The following WFDC1 variants were observed in gnomAD, a reference collection of about 807,000 sequenced individuals.
WFDC1 encodes WAP four-disulfide core domain 1.
WFDC1 carries 39 observed loss-of-function variants against 32.9 expected under a neutral mutation model. That is an observed-to-expected ratio of 1.19 (90% CI 0.92 to 1.55). The LOEUF is 1.55. Ranked by LOEUF, WFDC1 falls within the 40% of genes most tolerant of loss-of-function variation. WFDC1 has a pLI of 0.00. For synonymous variants in WFDC1, 184 were observed against 137.4 expected (o/e 1.34, Z -2.37); for missense variants, 386 against 309.5 (o/e 1.25, Z -1.85).
Position 84,294,986 on chromosome 16 carries a change from C to G in WFDC1, c.15C>G (p.Gly5=), listed in dbSNP as rs769014182. The G allele has an allele frequency of 1.2e-6, 2 of 1,613,388 alleles. No homozygotes were observed. The highest frequency in any genetic ancestry group is 1.3e-5 in the African/African-American group (1 of 74,934). MPLT[G]VGPGSCRRQI... ...CCAGGGAGGAAATGCCTTTAACCGG[C>G]GTGGGGCCGGGCAGCTGCAGGAGGC... The change falls in exon 1 of 7, where the codon GGC becomes GGG. Residue 5 remains glycine (G), a synonymous_variant. Coordinates refer to ENST00000219454, the MANE Select transcript of WFDC1 (RefSeq NM_021197.4).
At chr16:84,296,312 G>T (rs562732499) in intron 1 of WFDC1, among the ~76,000 whole-genome samples, 1 of 152,344 alleles carries the variant, frequency 6.6e-6, no homozygotes, top group Non-Finnish European at 1.5e-5. Flanking sequence ...TAGCATGTAG[G>T]TTCCTTGGGG....
chr16:84,321,337 A>G (rs984208909), intron 4 of WFDC1, among the ~76,000 whole-genome samples: 2 of 152,212 alleles, frequency 1.3e-5, no homozygotes, highest in African/African-American at 2.4e-5. Flanking sequence ...TAGACACTCA[A>G]TCCTGCCGTG....
intron 1 of WFDC1, among the ~76,000 whole-genome samples, chr16:84,302,728 A>G (rs1428956053): frequency 6.6e-6 from 1 of 152,198 alleles, no homozygotes; most frequent in African/African-American, 2.4e-5. Flanking sequence ...CGTTCGCCTT[A>G]TCTGTGTGCT....
In WFDC1 at chr16:84,313,143, G is replaced by A. The variant is rs1567658055; in HGVS notation, c.327G>A (p.Pro109=). 3.5e-6 allele frequency: 5 copies of A among 1,432,186 alleles called. No homozygotes were observed. Among genetic ancestry groups the A allele is most frequent in the Admixed American group, 3.3e-5 (1 of 30,466 alleles). The allele number at this position is 1,432,186 out of a possible 1,614,324, so 88.7% of individuals were successfully genotyped here. A position where few individuals can be genotyped will look rare whatever the true frequency, so the allele number is the denominator to read the frequency against. ...CCTACGCCTGCCTAGAAGCTGTGCC[G>A]CCCCCGCCAGGTAGGTCCTGGGCCC... ...GCAYACLEAV[P]PPPVLDWLVQ... is the part of the protein sequence containing the mutation. Residue 109 remains proline, a synonymous_variant, in exon 2 of 7, where the codon CCG becomes CCA. Transcript: ENST00000219454.
chr16:84,311,873 A>G (rs1428930371), intron 1 of WFDC1, among the ~76,000 whole-genome samples: 1 of 151,900 alleles, frequency 6.6e-6, no homozygotes, highest in African/African-American at 2.4e-5. Context: ...TTATTAAAAC[A>G]TAATACTTCG....
At chr16:84,301,740 G>A (rs1039920315) in intron 1 of WFDC1, among the ~76,000 whole-genome samples, 5 of 152,172 alleles carry the variant, frequency 3.3e-5, no homozygotes, top group African/African-American at 9.7e-5. Flanking sequence ...GGCATGGAGG[G>A]GGGACTGGAA....
At chr16:84,322,012 C>A (rs1908327702) in intron 4 of WFDC1, among the ~76,000 whole-genome samples, 1 of 152,198 alleles carries the variant, frequency 6.6e-6, no homozygotes, top group African/African-American at 2.4e-5. Flanking sequence ...ACCTGGCCCA[C>A]TGTAGGTCCT....
At chr16:84,297,054 C>G (rs1219643698) in intron 1 of WFDC1, 1 of 152,210 alleles carries the variant, frequency 6.6e-6, no homozygotes, top group Admixed American at 6.5e-5. Flanking sequence ...AATATGTCAT[C>G]TGATTTTATC....
intron 1 of WFDC1, among the ~76,000 whole-genome samples, chr16:84,309,297 G>A (rs1172352985): frequency 2.0e-5 from 3 of 152,170 alleles, no homozygotes; most frequent in Admixed American, 6.5e-5. Flanking sequence ...CCTGGTTGGC[G>A]CAGGGCTCGG....
intron 1 of WFDC1, among the ~76,000 whole-genome samples, chr16:84,300,166 T>C (rs1237672136): frequency 6.6e-6 from 1 of 152,266 alleles, no homozygotes. Flanking sequence ...TAAGCATCTG[T>C]GTCTGCTGGC....
At chr16:84,298,680 C>T (rs1906754157) in intron 1 of WFDC1, among the ~76,000 whole-genome samples, 1 of 152,210 alleles carries the variant, frequency 6.6e-6, no homozygotes, top group Admixed American at 6.5e-5. Context: ...TCTAGTCTCT[C>T]AAAGCCTCGT....
chr16:84,317,326 A>G (rs1908017599), intron 2 of WFDC1: 4 of 141,784 alleles, frequency 2.8e-5, no homozygotes. Context: ...ATAAATAAAT[A>G]AATAAATAAA....
chr16:84,324,987 C>G (rs1567665027), intron 5 of WFDC1, among the ~76,000 whole-genome samples: 1 of 152,072 alleles, frequency 6.6e-6, no homozygotes. Context: ...ATTCATCCAT[C>G]TATTCATTCT....
intron 1 of WFDC1, 186 bp downstream of exon 1, chr16:84,295,301 A>C: frequency 1.5e-6 from 1 of 648,716 alleles, no homozygotes; most frequent in Non-Finnish European, 2.5e-6. Context: ...CCAAAAAAGG[A>C]CCCTTATCTG....
At chr16:84,303,750 C>T (rs1011569258) in intron 1 of WFDC1, among the ~76,000 whole-genome samples, 2 of 152,298 alleles carry the variant, frequency 1.3e-5, no homozygotes, top group Middle Eastern at 3.4e-3. Context: ...AGTCATGCAA[C>T]CGTCCTAACT....
intron 2 of WFDC1, among the ~76,000 whole-genome samples, chr16:84,313,412 A>G (rs1269150189): frequency 1.3e-5 from 2 of 152,198 alleles, no homozygotes; most frequent in Non-Finnish European, 2.9e-5. Flanking sequence ...ACTTCCTATG[A>G]AAATGGGATG....
At chr16:84,326,744 G>A in intron 5 of WFDC1, 138 bp from the exon 6 acceptor site, 1 of 907,636 alleles carries the variant, frequency 1.1e-6, no homozygotes. Flanking sequence ...CTGCAGGTGG[G>A]GACTGAGTGA....
intron 1 of WFDC1, among the ~76,000 whole-genome samples, chr16:84,310,464 C>T (rs1268463970): frequency 6.6e-6 from 1 of 152,116 alleles, no homozygotes; most frequent in South Asian, 2.1e-4. Flanking sequence ...TGTGCCCTCG[C>T]TCTGCATGGA....
At chr16:84,316,985 A>G (rs1458202395) in intron 2 of WFDC1, 1 of 151,666 alleles carries the variant, frequency 6.6e-6, no homozygotes, top group African/African-American at 2.4e-5. Flanking sequence ...TCTCAAAAAA[A>G]AAAAAGAAAA....
Sources: allele counts gnomAD v4.1 joint callset (sites outside exome capture counted in the v4.1 genomes callset), GRCh38; gene constraint gnomAD v4.1.1; transcripts MANE v1.5; gene names NCBI Gene and HGNC (gene_info 2026-07-23, HGNC 2026-07-21).